Variants in DTHD1 observed in about 807,000 individuals in gnomAD.
DTHD1 encodes death domain-containing protein 1.
In DTHD1, 59 loss-of-function variants were observed where a neutral mutation model predicts 74.8. That is an observed-to-expected ratio of 0.79 (90% CI 0.64 to 0.98). The LOEUF is 0.98. Ranked by LOEUF, DTHD1 falls within the 50% of genes least tolerant of loss-of-function variation. The probability of loss-of-function intolerance (pLI) is 0.00; values close to 1 mark genes in which losing one functional copy is unlikely to be tolerated. For synonymous variants in DTHD1, 365 were observed against 371.1 expected, an observed-to-expected ratio of 0.98 and a Z score of 0.19; for missense variants, 1,051 against 1,065.4, an observed-to-expected ratio of 0.99 and a Z score of 0.19.
intron 8 of DTHD1, among the ~76,000 whole-genome samples, chr4:36,321,299 C>G (rs562580926): frequency 6.6e-6 from 1 of 152,172 alleles, no homozygotes; most frequent in African/African-American, 2.4e-5. Context: ...AGGAGGTGAA[C>G]GTTGGGCAAG....
At chr4:36,288,998 G>A (rs1281617494) in intron 2 of DTHD1, among the ~76,000 whole-genome samples, 2 of 152,126 alleles carry the variant, frequency 1.3e-5, no homozygotes, top group African/African-American at 2.4e-5. Flanking sequence ...CTAACTATGA[G>A]TTTAGAATTG....
chr4:36,331,045 T>C (rs1205162379), intron 8 of DTHD1, among the ~76,000 whole-genome samples: 1 of 152,108 alleles, frequency 6.6e-6, no homozygotes, highest in East Asian at 1.9e-4. Flanking sequence ...TTATTATTAT[T>C]TATCCTAGAG....
In DTHD1 at chr4:36,306,194, A is replaced by C; in HGVS notation, c.1647A>C (p.Thr549=). 1 of 1,551,558 alleles carries C rather than the reference A, an allele frequency of 6.4e-7. No individual in the cohort carries two copies. The highest frequency in any genetic ancestry group is 8.7e-7 in the Non-Finnish European group (1 of 1,146,820). ...CTCTTCTGTTACCATTATATAGGAC[A>C]AAAATTGCCTCCATAAGAAAACCTA... is the stretch of plus-strand genomic sequence containing the variant. ...NRITPSYFNR[T]KIASIRKPRK... Residue 549 remains threonine (T), a synonymous_variant, in exon 6 of 10, where the codon ACA becomes ACC. Transcript: ENST00000639862.
Position 36,306,281 on chromosome 4 carries a change from T to A in DTHD1, c.1734T>A (p.Cys578Ter). The A allele has an allele frequency of 6.4e-7, 1 of 1,551,744 alleles. No individual in the cohort carries two copies. Among genetic ancestry groups the A allele is most frequent in the Non-Finnish European group, 8.7e-7 (1 of 1,146,978 alleles). Reference sequence around the variant, plus strand: ...TCAGAAGCCAAGACAGTGGTTGGTGTGGGCTTGATGATGTTGTGAAAACCA... The same window carrying A: ...TCAGAAGCCAAGACAGTGGTTGGTGAGGGCTTGATGATGTTGTGAAAACCA... The part of the protein sequence containing the change: ...LGFRSQDSGW[C>*]GLDDVVKTIQ... The change falls in exon 6 of 10, where the codon TGT becomes TGA. Residue 578 changes from cysteine (C) to a stop codon, truncating the protein, a stop_gained. Transcript: ENST00000639862. LOFTEE classifies it high-confidence loss of function.
At chr4:36,298,848 GC>G (rs1366029326) in intron 5 of DTHD1, among the ~76,000 whole-genome samples, 4 of 151,938 alleles carry the variant, frequency 2.6e-5, no homozygotes, top group Non-Finnish European at 4.4e-5. Context: ...AATGGTTTTT[GC>G]CCATGAAAAA....
At position 36,344,323 on chromosome 4, in the gene DTHD1, G is replaced by C. The variant is rs936141869; in HGVS notation, c.*499G>C. ...CTGATGACATATGCCCAAGGTGTTCGGGGTAGAGCTTGCTTTTATGCATTT... is the reference window on the plus strand; with the variant it reads ...CTGATGACATATGCCCAAGGTGTTCCGGGTAGAGCTTGCTTTTATGCATTT... On this transcript the variant is annotated 3_prime_UTR_variant, in exon 10 of 10. Coordinates refer to ENST00000639862, the MANE Select transcript of DTHD1 (RefSeq NM_001170700.3). 6.3e-6 allele frequency: 1 copy of C among 158,050 alleles called. No individual in the cohort carries two copies. The highest frequency in any genetic ancestry group is 2.4e-5 in the African/African-American group (1 of 41,572). 9.8% of individuals were successfully genotyped at this position (158,050 alleles called of 1,614,324 possible).
intron 8 of DTHD1, chr4:36,332,899 T>A (rs1355573267): frequency 2.6e-5 from 4 of 152,190 alleles, no homozygotes; most frequent in Non-Finnish European, 5.9e-5. Flanking sequence ...TCAGGCTCAA[T>A]TCTGAGAGTT....
chr4:36,292,593 G>A (rs182435082), intron 3 of DTHD1, among the ~76,000 whole-genome samples: 105 of 152,214 alleles, frequency 6.9e-4, no homozygotes, highest in Non-Finnish European at 1.2e-3. Context: ...CCCTCTGGCC[G>A]GTTAACAATA....
At chr4:36,307,418 A>T (rs1385223781) in intron 6 of DTHD1, among the ~76,000 whole-genome samples, 1 of 152,150 alleles carries the variant, frequency 6.6e-6, no homozygotes, top group Admixed American at 6.5e-5. Context: ...CTATGTGTTA[A>T]AATTTCCCTC....
chr4:36,343,589 G>A lies in DTHD1; in HGVS notation c.2486G>A (p.Arg829His), dbSNP rs1228231249. 4.5e-6 allele frequency: 7 copies of A among 1,551,566 alleles called. No homozygotes were observed. The highest frequency in any genetic ancestry group is 3.3e-4 in the Middle Eastern group (2 of 6,014). ...AESLSSTLPL[R>H]RSTIQLIKLK... ...TCTCTTTCCTCAACTCTCCCTCTGC[G>A]CCGTAGCACCATTCAGCTCATCAAA... Residue 829 changes from arginine (R) to histidine (H), a missense_variant, in exon 10 of 10, where the codon CGC (arginine) becomes CAC (histidine). Physicochemically the swap from Arg to His is conservative, Grantham distance 29. Coordinates refer to ENST00000639862, the MANE Select transcript of DTHD1 (RefSeq NM_001170700.3).
At chr4:36,323,113 C>A (rs1018072144) in intron 8 of DTHD1, among the ~76,000 whole-genome samples, 1 of 152,184 alleles carries the variant, frequency 6.6e-6, no homozygotes, top group African/African-American at 2.4e-5. Flanking sequence ...TAAAACCTAA[C>A]CCACACATTT....
At chr4:36,329,946 C>G (rs1289227732) in intron 8 of DTHD1, among the ~76,000 whole-genome samples, 1 of 152,072 alleles carries the variant, frequency 6.6e-6, no homozygotes, top group South Asian at 2.1e-4. Context: ...TGTTTTCCCA[C>G]TTATGGTTTA....
At chr4:36,307,817 T>A (rs1757146998) in intron 6 of DTHD1, among the ~76,000 whole-genome samples, 1 of 152,248 alleles carries the variant, frequency 6.6e-6, no homozygotes, top group South Asian at 2.1e-4. Context: ...ACTGTATGAC[T>A]TCTTCGTTTA....
intron 8 of DTHD1, among the ~76,000 whole-genome samples, chr4:36,328,149 GA>G (rs1758456443): frequency 6.6e-6 from 1 of 152,216 alleles, no homozygotes; most frequent in Non-Finnish European, 1.5e-5. Flanking sequence ...CTGCTTCCAT[GA>G]TTGGTAGTAG....
At chr4:36,289,941 A>G (rs1755960862) in intron 2 of DTHD1, among the ~76,000 whole-genome samples, 1 of 151,978 alleles carries the variant, frequency 6.6e-6, no homozygotes, top group South Asian at 2.1e-4. Flanking sequence ...TACTTCATAT[A>G]TGTTTACTCC....
chr4:36,290,321 A>G, intron 2 of DTHD1, 52 bp from the exon 3 acceptor site: 2 of 1,474,984 alleles, frequency 1.4e-6, no homozygotes, highest in South Asian at 2.7e-5. Flanking sequence ...ATTTAGCTGT[A>G]AAGTACATAA....
At chr4:36,287,747 A>G (rs1755798181) in intron 2 of DTHD1, among the ~76,000 whole-genome samples, 1 of 152,010 alleles carries the variant, frequency 6.6e-6, no homozygotes, top group East Asian at 1.9e-4. Flanking sequence ...GATGTTGAGC[A>G]TTTTTTCATA....
chr4:36,327,155 C>A (rs1758400018), intron 8 of DTHD1, among the ~76,000 whole-genome samples: 1 of 151,990 alleles, frequency 6.6e-6, no homozygotes, highest in African/African-American at 2.4e-5. Context: ...TTAGTAGAGA[C>A]AGGGTTTCAC....
At chr4:36,337,444 A>G (rs1328888217) in intron 8 of DTHD1, among the ~76,000 whole-genome samples, 2 of 152,226 alleles carry the variant, frequency 1.3e-5, no homozygotes, top group East Asian at 3.9e-4. Context: ...TGGAGGGGAA[A>G]TACTACTGAT....
Sources: gnomAD v4.1 joint callset for allele counts (sites outside exome capture counted in the v4.1 genomes callset) on GRCh38, gnomAD v4.1.1 for gene constraint, MANE v1.5 for transcripts, NCBI Gene and HGNC (gene_info 2026-07-23, HGNC 2026-07-21) for gene names.